CD36: variants seen among roughly 807,000 people sequenced by gnomAD.
CD36 encodes CD36 molecule (CD36 blood group).
Under a neutral mutation model 55.2 loss-of-function variants are expected in CD36, and 119 were observed. The ratio of observed to expected loss-of-function variants is 2.15; its 90% CI spans 1.86 to 2.51. CD36 has a LOEUF of 2.51. CD36 is among the 30% of genes most tolerant of loss of function. CD36 has a pLI of 0.00. For synonymous variants in CD36, 186 were observed against 193.6 expected (o/e 0.96, Z 0.33); for missense variants, 819 against 555.5 (o/e 1.47, Z -4.77).
chr7:80,660,422 T>C (rs1227074752), intron 4 of CD36, among the ~76,000 whole-genome samples: 1 of 152,198 alleles, frequency 6.6e-6, no homozygotes. Context: ...GGATAGGCCT[T>C]GTATTTTGAT....
intron 1 of CD36, among the ~76,000 whole-genome samples, chr7:80,607,225 T>C (rs528002487): frequency 6.6e-6 from 1 of 152,236 alleles, no homozygotes; most frequent in African/African-American, 2.4e-5. Flanking sequence ...GCTGAAATCC[T>C]GTAGAATAAA....
chr7:80,658,710 G>C (rs1350307655), intron 4 of CD36, among the ~76,000 whole-genome samples: 2 of 152,062 alleles, frequency 1.3e-5, no homozygotes, highest in Non-Finnish European at 2.9e-5. Context: ...TGCTCATGCT[G>C]GCCTCAAACT....
In CD36 at chr7:80,673,402, T is replaced by A; in HGVS notation, c.1247T>A (p.Leu416His). 1 of 1,564,828 alleles carries A rather than the reference T, an allele frequency of 6.4e-7. No homozygotes were observed. Among genetic ancestry groups the A allele is most frequent in the Non-Finnish European group, 8.8e-7 (1 of 1,135,838 alleles). Residue 416 changes from leucine to histidine, a missense_variant, in exon 13 of 15, where the codon CTT becomes CAT. By Grantham distance (99) the Leu-to-His change is moderately conservative (BLOSUM62 -3). Coordinates refer to ENST00000447544, the MANE Select transcript of CD36 (RefSeq NM_001001548.3). ...AACTATATTGTGCCTATTCTTTGGC[T>A]TAATGAGGTTTGTATTTGCAGCTGT... The part of the protein sequence containing the change: ...KRNYIVPILW[L>H]NETGTIGDEK...
intron 1 of CD36, among the ~76,000 whole-genome samples, chr7:80,610,504 G>C (rs1252928774): frequency 6.6e-6 from 1 of 151,980 alleles, no homozygotes; most frequent in Non-Finnish European, 1.5e-5. Context: ...TAGCGAAACA[G>C]AATTTTCCTC....
intron 1 of CD36, among the ~76,000 whole-genome samples, chr7:80,639,692 G>A (rs961643789): frequency 2.0e-5 from 3 of 151,990 alleles, no homozygotes; most frequent in African/African-American, 4.8e-5. Context: ...AGTCAGTAAT[G>A]TGTGTTGAAG....
At chr7:80,621,617 A>C (rs1356223862) in intron 1 of CD36, among the ~76,000 whole-genome samples, 1 of 152,264 alleles carries the variant, frequency 6.6e-6, no homozygotes, top group Admixed American at 6.5e-5. Flanking sequence ...AATAATTCAA[A>C]TAATTTAAAG....
At chr7:80,645,326 A>G (rs956678913) in intron 1 of CD36, among the ~76,000 whole-genome samples, 1 of 150,622 alleles carries the variant, frequency 6.6e-6, no homozygotes, top group Non-Finnish European at 1.5e-5. Flanking sequence ...GGCTCTCCCA[A>G]TCTTTATATA....
chr7:80,645,075 C>T (rs1795060382), intron 1 of CD36, among the ~76,000 whole-genome samples: 1 of 149,400 alleles, frequency 6.7e-6, no homozygotes, highest in African/African-American at 2.5e-5. Context: ...GGCTGGAGTG[C>T]AATGGCATGA....
intron 9 of CD36, 96 bp downstream of exon 9, chr7:80,670,118 T>C: frequency 1.2e-6 from 1 of 805,456 alleles, no homozygotes; most frequent in Non-Finnish European, 2.2e-6. Context: ...AAATTCATCA[T>C]GTTTATTAAC....
At chr7:80,651,922 TTA>T (rs1226572718) in intron 3 of CD36, among the ~76,000 whole-genome samples, 1 of 152,288 alleles carries the variant, frequency 6.6e-6, no homozygotes, top group African/African-American at 2.4e-5. Flanking sequence ...CCGCAAAAAA[TTA>T]TGTTTGAATT....
At chr7:80,622,913 T>C (rs1472153574) in intron 1 of CD36, among the ~76,000 whole-genome samples, 2 of 152,170 alleles carry the variant, frequency 1.3e-5, no homozygotes, top group African/African-American at 4.8e-5. Context: ...TTGGTAAATA[T>C]TGGTAACTTC....
chr7:80,644,965 ACT>A (rs1366215692), intron 1 of CD36, among the ~76,000 whole-genome samples: 1 of 151,966 alleles, frequency 6.6e-6, no homozygotes, highest in Non-Finnish European at 1.5e-5. Context: ...GTTAGAATTA[ACT>A]CTGATTATTA....
At chr7:80,640,887 A>G (rs1794764770) in intron 1 of CD36, among the ~76,000 whole-genome samples, 1 of 152,118 alleles carries the variant, frequency 6.6e-6, no homozygotes, top group African/African-American at 2.4e-5. Flanking sequence ...TAATTATTTT[A>G]TATTACAGAT....
intron 1 of CD36, among the ~76,000 whole-genome samples, chr7:80,631,386 A>G (rs1203826029): frequency 6.6e-6 from 1 of 152,068 alleles, no homozygotes; most frequent in Non-Finnish European, 1.5e-5. Context: ...AAAGTATTTT[A>G]TCAAGTCCAT....
At chr7:80,626,579 T>C (rs1013003713) in intron 1 of CD36, among the ~76,000 whole-genome samples, 20 of 152,242 alleles carry the variant, frequency 1.3e-4, no homozygotes, top group African/African-American at 4.6e-4. Context: ...GATAAATTTA[T>C]GTATGTATAG....
At chr7:80,609,342 C>G (rs1722509) in intron 1 of CD36, among the ~76,000 whole-genome samples, 11,074 of 152,106 alleles carry the variant, frequency 0.073, 938 homozygotes, top group African/African-American at 0.2. Context: ...TGCTTGTGAT[C>G]CACTATACCC....
At chr7:80,619,517 C>T (rs1793338405) in intron 1 of CD36, among the ~76,000 whole-genome samples, 1 of 151,898 alleles carries the variant, frequency 6.6e-6, no homozygotes, top group South Asian at 2.1e-4. Context: ...CATGATGGTA[C>T]ATACCTGTAG....
chr7:80,676,046 G>C (rs936888817), intron 14 of CD36: 2 of 152,110 alleles, frequency 1.3e-5, no homozygotes, highest in Non-Finnish European at 2.9e-5. Flanking sequence ...TCTCTCTGCA[G>C]CTAGAGAAAC....
At chr7:80,669,616 C>T (rs535291018) in intron 8 of CD36, among the ~76,000 whole-genome samples, 83 of 152,064 alleles carry the variant, frequency 5.5e-4, no homozygotes, top group African/African-American at 1.9e-3. Context: ...GGATAGCTGC[C>T]TCCCAAGTAG....
Sources: gnomAD v4.1 joint callset for allele counts (sites outside exome capture counted in the v4.1 genomes callset) on GRCh38, gnomAD v4.1.1 for gene constraint, MANE v1.5 for transcripts, NCBI Gene and HGNC (gene_info 2026-07-23, HGNC 2026-07-21) for gene names.